Variants in MFSD6 observed in about 807,000 individuals in gnomAD.
MFSD6 encodes major facilitator superfamily domain containing 6, also known as major facilitator superfamily domain-containing protein 6.
In MFSD6, 26 loss-of-function variants were observed where a neutral mutation model predicts 56.3. The observed-to-expected ratio is 0.46, with a 90% confidence interval of 0.34 to 0.64. MFSD6 has a LOEUF of 0.64. Ranked by LOEUF, MFSD6 falls within the 30% of genes least tolerant of loss-of-function variation. The pLI, the probability that MFSD6 is intolerant of heterozygous loss-of-function variation, is 0.01. For missense variants in MFSD6, 750 were observed against 986.2 expected (o/e 0.76, Z 3.21); for synonymous variants, 331 against 366.9 (o/e 0.90, Z 1.12).
intron 2 of MFSD6, among the ~76,000 whole-genome samples, chr2:190,428,603 G>C (rs1319244131): frequency 1.3e-5 from 2 of 152,166 alleles, no homozygotes; most frequent in African/African-American, 4.8e-5. Context: ...ATGCTACAAT[G>C]TGCATCTCCT....
rs1029500469 is a variant in MFSD6 at position 190,471,980 on chromosome 2, G to C, written c.1630+2125G>C. On this transcript the variant is annotated intron_variant, in intron 4 of 7. Transcript: ENST00000392328. The surrounding 1 kb of genome is among the most constrained non-coding windows in gnomAD (Gnocchi z 4.7). ...TCACTGCTGATACCCAGGCAAACAG[G>C]GTCTGGAGTGGACCTCCAGCAAACT... Among the ~76,000 whole-genome samples, 1 of 152,138 alleles carries C rather than the reference G, an allele frequency of 6.6e-6. No individual in the cohort carries two copies. The highest frequency in any genetic ancestry group is 2.1e-4 in the South Asian group (1 of 4,826).
intron 4 of MFSD6, among the ~76,000 whole-genome samples, chr2:190,473,439 G>A (rs1327253181): frequency 1.3e-5 from 2 of 151,872 alleles, no homozygotes; most frequent in Non-Finnish European, 2.9e-5. Flanking sequence ...TTGCAATCCT[G>A]GTCTCTGATA....
intron 4 of MFSD6, among the ~76,000 whole-genome samples, chr2:190,472,281 A>C (rs1687991223): frequency 6.6e-6 from 1 of 152,248 alleles, no homozygotes; most frequent in Non-Finnish European, 1.5e-5. Context: ...AGACGATCAA[A>C]CTACTCCGAG....
Position 190,445,743 on chromosome 2 carries a change from T to C in MFSD6, c.1532+8182T>C, listed in dbSNP as rs76611512. ...ATTTGCAGAGTCAGTTGGAATTTTT[T>C]TAAAAAGTTAAGTGCTTCTCTTTTC... On this transcript the variant is annotated intron_variant, in intron 3 of 7. Coordinates refer to ENST00000392328, the MANE Select transcript of MFSD6 (RefSeq NM_017694.4). Among the ~76,000 whole-genome samples the C allele has an allele frequency of 5.4e-4, 83 of 152,326 alleles. No homozygotes were observed. In the East Asian group the frequency reaches 0.016, roughly 29 times the overall value.
intron 4 of MFSD6, among the ~76,000 whole-genome samples, chr2:190,483,392 C>A (rs1688812052): frequency 6.6e-6 from 1 of 152,168 alleles, no homozygotes; most frequent in Non-Finnish European, 1.5e-5. Flanking sequence ...CTCTGTGTGA[C>A]TCTGGACAAG....
In MFSD6 at chr2:190,463,908, GA is replaced by G. The variant is rs1687463395; in HGVS notation, c.1533-5846del. On this transcript the variant is annotated intron_variant, in intron 3 of 7. Transcript: ENST00000392328. The surrounding 1 kb of genome is among the most constrained non-coding windows in gnomAD (Gnocchi z 4.4). ...CGCACCATATACTGTCTACCATACA[GA>G]AAACGTAATCCAGTTTATATATGAG... 7.1e-6 allele frequency: 7 copies of G among 984,238 alleles called. No individual in the cohort carries two copies. The South Asian group carries it at 2.8e-4, about 40-fold the overall frequency. 61.0% of individuals were successfully genotyped at this position (984,238 alleles called of 1,614,324 possible).
Position 190,434,593 on chromosome 2 carries a change from C to T in MFSD6, c.-53-1384C>T, listed in dbSNP as rs1271708318. Among the ~76,000 whole-genome samples, 1 of 152,024 alleles carries T rather than the reference C, an allele frequency of 6.6e-6. No homozygotes were observed. The highest frequency in any genetic ancestry group is 2.4e-5 in the African/African-American group (1 of 41,378). On this transcript the variant is annotated intron_variant, in intron 2 of 7. Coordinates refer to ENST00000392328, the MANE Select transcript of MFSD6 (RefSeq NM_017694.4). The surrounding 1 kb of genome is among the most constrained non-coding windows in gnomAD (Gnocchi z 4.3). ...TGGGACTACATGCGTGCCACCAGGC[C>T]CAGCTAATTCTTGTACTTTTAGTAG...
In MFSD6 at chr2:190,416,530, C is replaced by G. The variant is rs557113434; in HGVS notation, c.-54+1117C>G. ...GAACCAGTGCCTCACAGGCCCCCAT[C>G]AGGCTGTAGACATGAAAACAGACAT... is the stretch of plus-strand genomic sequence containing the variant. On this transcript the variant is annotated intron_variant, in intron 2 of 7. Coordinates refer to ENST00000392328, the MANE Select transcript of MFSD6 (RefSeq NM_017694.4). The surrounding 1 kb of genome is among the most constrained non-coding windows in gnomAD (Gnocchi z 4.1). Among the ~76,000 whole-genome samples the G allele has an allele frequency of 2.6e-5, 4 of 152,312 alleles. No individual in the cohort carries two copies. The South Asian group carries it at 8.3e-4, about 32-fold the overall frequency.
chr2:190,469,989 T>TC lies in MFSD6; in HGVS notation c.1630+134_1630+135insC. The TC allele has an allele frequency of 1.6e-6, 1 of 614,498 alleles. No homozygotes were observed. The highest frequency in any genetic ancestry group is 2.8e-6 in the Non-Finnish European group (1 of 360,844). The allele number at this position is 614,498 out of a possible 1,614,324, so 38.1% of individuals were successfully genotyped here. On this transcript the variant is annotated intron_variant, in intron 4 of 7. Transcript: ENST00000392328. This position sits in a 1 kb window ranked among gnomAD's most constrained non-coding sequence, Gnocchi z 5.3. ...TTTCATGTGATTTTGAAGTGGTTGT[T>TC]AAGGAAGAGATGACATCAGGAGGGA...
rs1168611024 is a variant in MFSD6, at chr2:190,413,702, C to A, written c.-175-1590C>A. Among the ~76,000 whole-genome samples, 1 of 152,156 alleles carries A rather than the reference C, an allele frequency of 6.6e-6. No individual in the cohort carries two copies. The highest frequency in any genetic ancestry group is 6.5e-5 in the Admixed American group (1 of 15,280). ...AAGGAAAGTGAGTGGCGAGCCTGGACTGGTAGTTAGCAGTCTGTGTTGGTT... is the reference window on the plus strand; with the variant it reads ...AAGGAAAGTGAGTGGCGAGCCTGGAATGGTAGTTAGCAGTCTGTGTTGGTT... On this transcript the variant is annotated intron_variant, in intron 1 of 7. Transcript: ENST00000392328. The surrounding 1 kb of genome is among the most constrained non-coding windows in gnomAD (Gnocchi z 4.1).
chr2:190,458,832 G>T lies in MFSD6; in HGVS notation c.1533-10926G>T, dbSNP rs921768396. Among the ~76,000 whole-genome samples the T allele has an allele frequency of 6.6e-6, 1 of 152,200 alleles. No individual in the cohort carries two copies. Among genetic ancestry groups the T allele is most frequent in the Non-Finnish European group, 1.5e-5 (1 of 68,036 alleles). ...GTCTCAGATGACGCGATCAGAACCTGCATCTCTCCCTCTATTAGCTCTGTC... is the reference window on the plus strand; with the variant it reads ...GTCTCAGATGACGCGATCAGAACCTTCATCTCTCCCTCTATTAGCTCTGTC... On this transcript the variant is annotated intron_variant, in intron 3 of 7. Transcript: ENST00000392328. This position sits in a 1 kb window ranked among gnomAD's most constrained non-coding sequence, Gnocchi z 5.3.
chr2:190,441,423 A>AGAACCACCAGGCTAATGGGAGGCAT (rs1438983335), intron 3 of MFSD6, among the ~76,000 whole-genome samples: 29 of 151,026 alleles, frequency 1.9e-4, no homozygotes, highest in Non-Finnish European at 3.1e-4. Context: ...GCCAAGGTTG[A>AGAACCACCAGGCTAATGGGAGGCAT]GAACCACCAG....
Position 190,490,012 on chromosome 2 carries a change from T to G in MFSD6, c.1891+146T>G. 1.6e-6 allele frequency: 1 copy of G among 621,448 alleles called. No homozygotes were observed. The highest frequency in any genetic ancestry group is 2.2e-5 in the South Asian group (1 of 45,224). 38.5% of individuals were successfully genotyped at this position (621,448 alleles called of 1,614,324 possible). ...TGAGTGGCGTATCGATGAATTCATG[T>G]GGACTATTGTTAAAGAGATCCACCT... On this transcript the variant is annotated intron_variant, in intron 6 of 7. Coordinates refer to ENST00000392328, the MANE Select transcript of MFSD6 (RefSeq NM_017694.4). The surrounding 1 kb of genome is among the most constrained non-coding windows in gnomAD (Gnocchi z 4.5).
rs556739917 is a variant in MFSD6 at position 190,458,533 on chromosome 2, A to G, written c.1533-11225A>G. ...AGCCACCCAGTCTGTGGTATTTGTT[A>G]CAGCAGCCTTAGCAAACTAATACAG... On this transcript the variant is annotated intron_variant, in intron 3 of 7. Coordinates refer to ENST00000392328, the MANE Select transcript of MFSD6 (RefSeq NM_017694.4). The surrounding 1 kb of genome is among the most constrained non-coding windows in gnomAD (Gnocchi z 5.3). Among the ~76,000 whole-genome samples, 2 of 152,320 alleles carry G rather than the reference A, an allele frequency of 1.3e-5. No individual in the cohort carries two copies. Among genetic ancestry groups the G allele is most frequent in the South Asian group, 4.2e-4 (2 of 4,812 alleles).
chr2:190,483,144 G>A (rs910105603), intron 4 of MFSD6, among the ~76,000 whole-genome samples: 4 of 150,728 alleles, frequency 2.7e-5, no homozygotes, highest in South Asian at 2.1e-4. Flanking sequence ...CACCCGCCTC[G>A]GCCTCCCAAA....
intron 4 of MFSD6, among the ~76,000 whole-genome samples, chr2:190,479,701 A>G (rs1386678891): frequency 6.6e-6 from 1 of 152,144 alleles, no homozygotes; most frequent in African/African-American, 2.4e-5. Flanking sequence ...ATCTGATGAG[A>G]GTAAAACTCA....
intron 2 of MFSD6, among the ~76,000 whole-genome samples, chr2:190,419,895 G>C (rs1009078813): frequency 3.9e-5 from 6 of 152,282 alleles, no homozygotes; most frequent in African/African-American, 1.4e-4. Context: ...ACTATCATTA[G>C]ACTGTGCCAG....
rs1689152140 is a variant in MFSD6, at chr2:190,488,600, C to A, written c.1631-57C>A. 4 of 1,350,408 alleles carry A rather than the reference C, an allele frequency of 3.0e-6. No homozygotes were observed. Among genetic ancestry groups the A allele is most frequent in the Non-Finnish European group, 1.9e-6 (2 of 1,027,854 alleles). 83.7% of individuals were successfully genotyped at this position (1,350,408 alleles called of 1,614,324 possible). On this transcript the variant is annotated intron_variant, in intron 4 of 7. Coordinates refer to ENST00000392328, the MANE Select transcript of MFSD6 (RefSeq NM_017694.4). This position sits in a 1 kb window ranked among gnomAD's most constrained non-coding sequence, Gnocchi z 6.4. ...TAGTTAAATAATTCACATTTCAAAA[C>A]AGAGTAGCCTAAGAAATGCTAACCA...
intron 3 of MFSD6, among the ~76,000 whole-genome samples, chr2:190,449,084 G>T (rs770253382): frequency 6.6e-5 from 10 of 152,146 alleles, no homozygotes; most frequent in African/African-American, 9.7e-5. Flanking sequence ...GCCCTAAATG[G>T]CATAAATGAT....
Sources: allele counts gnomAD v4.1 joint callset (sites outside exome capture counted in the v4.1 genomes callset), GRCh38; gene constraint gnomAD v4.1.1; non-coding constraint Gnocchi (gnomAD v3.1); transcripts MANE v1.5; gene names NCBI Gene and HGNC (gene_info 2026-07-23, HGNC 2026-07-21).